The following TPD52 variants were observed in gnomAD, a reference collection of about 807,000 sequenced individuals.
TPD52 encodes prostate and colon associated protein.
TPD52 carries 17 observed loss-of-function variants against 31.3 expected under a neutral mutation model. The ratio of observed to expected loss-of-function variants is 0.54; its 90% CI spans 0.37 to 0.82. The LOEUF is 0.82. Ranked by LOEUF, TPD52 falls within the 40% of genes least tolerant of loss-of-function variation. TPD52 has a pLI of 0.00. For missense variants in TPD52, 212 were observed against 240.1 expected (o/e 0.88, Z 0.77); for synonymous variants, 83 against 89.6 (o/e 0.93, Z 0.42).
chr8:80,155,934 T>G (rs1386194425), intron 1 of TPD52, among the ~76,000 whole-genome samples: 1 of 150,464 alleles, frequency 6.6e-6, no homozygotes, highest in Admixed American at 6.6e-5. Flanking sequence ...GAAGAGCAGA[T>G]GAAGGGATGG....
At chr8:80,089,701 T>TACTATGTGCC (rs1816107558) in intron 1 of TPD52, among the ~76,000 whole-genome samples, 1 of 152,250 alleles carries the variant, frequency 6.6e-6, no homozygotes, top group African/African-American at 2.4e-5. Flanking sequence ...AAGGAACCCT[T>TACTATGTGCC]ACTATGTGCC....
chr8:80,063,095 A>G (rs1289476748), intron 2 of TPD52, among the ~76,000 whole-genome samples: 1 of 152,266 alleles, frequency 6.6e-6, no homozygotes, highest in Non-Finnish European at 1.5e-5. Flanking sequence ...GTATTTGTTC[A>G]TAAAATGTTC....
intron 5 of TPD52, 105 bp from the exon 6 acceptor site, chr8:80,044,313 GGC>G: frequency 1.2e-6 from 1 of 866,012 alleles, no homozygotes; most frequent in Middle Eastern, 2.3e-4. Context: ...TTATTCTCTT[GGC>G]GCCATGAAGA....
chr8:80,069,380 C>A (rs919662177), intron 1 of TPD52, among the ~76,000 whole-genome samples: 1 of 152,098 alleles, frequency 6.6e-6, no homozygotes, highest in East Asian at 1.9e-4. Flanking sequence ...GCGGGAGGAT[C>A]GCTTGGGCCT....
At chr8:80,138,125 T>C (rs148083041) in intron 1 of TPD52, among the ~76,000 whole-genome samples, 9 of 152,160 alleles carry the variant, frequency 5.9e-5, no homozygotes, top group African/African-American at 2.2e-4. Flanking sequence ...GTATTTTTTG[T>C]AGAGATGGGG....
intron 1 of TPD52, among the ~76,000 whole-genome samples, chr8:80,066,466 G>T (rs1045904133): frequency 1.1e-4 from 17 of 152,316 alleles, no homozygotes; most frequent in African/African-American, 3.8e-4. Context: ...GGTACAATCA[G>T]CAAGTAGAAA....
intron 1 of TPD52, among the ~76,000 whole-genome samples, chr8:80,163,243 A>T (rs1383162767): frequency 6.6e-6 from 1 of 152,216 alleles, no homozygotes; most frequent in Non-Finnish European, 1.5e-5. Context: ...CTGATAGATA[A>T]ATAATAAAGA....
intron 1 of TPD52, among the ~76,000 whole-genome samples, chr8:80,079,253 G>A (rs1181561218): frequency 1.3e-5 from 2 of 152,160 alleles, no homozygotes; most frequent in East Asian, 3.9e-4. Context: ...AAAGTTTCCT[G>A]GCAATCAGAA....
intron 1 of TPD52, among the ~76,000 whole-genome samples, chr8:80,121,290 C>G (rs1394405541): frequency 1.3e-5 from 2 of 151,968 alleles, no homozygotes; most frequent in Non-Finnish European, 2.9e-5. Flanking sequence ...AACTGCTGCC[C>G]TTTCACAGCC....
In TPD52 at chr8:80,171,503, C is replaced by A. The variant is rs1586444281; in HGVS notation, c.-60G>T. On this transcript the variant is annotated 5_prime_UTR_variant, in exon 1 of 8. Transcript: ENST00000518937. The stretch of plus-strand genomic sequence containing the variant: ...CCCCCGCCTGCAGCCCGTCCCGGCT[C>A]GGATCGCCCGCCGCGCCGCGCAGAG... 3 of 1,515,448 alleles carry A rather than the reference C, an allele frequency of 2.0e-6. No individual in the cohort carries two copies. Among genetic ancestry groups the A allele is most frequent in the East Asian group, 2.8e-5 (1 of 36,274 alleles). 93.9% of individuals were successfully genotyped at this position (1,515,448 alleles called of 1,614,324 possible).
At chr8:80,124,338 G>C (rs1414439389) in intron 1 of TPD52, among the ~76,000 whole-genome samples, 1 of 152,040 alleles carries the variant, frequency 6.6e-6, no homozygotes, top group East Asian at 1.9e-4. Flanking sequence ...GCTAATATTT[G>C]TATTTTTTGT....
rs558810678 is a variant in TPD52, at chr8:80,088,300, T to C, written c.20-23707A>G. ...GATCACACTTGGAGTAACAAGGTGA[T>C]GGAAGAACTCGAATGGAGGCTGGAG... On this transcript the variant is annotated intron_variant, in intron 1 of 7. Coordinates refer to ENST00000518937, the MANE Select transcript of TPD52 (RefSeq NM_001025253.3). 2.0e-5 allele frequency among the ~76,000 whole-genome samples: 3 copies of C among 152,318 alleles called. No individual in the cohort carries two copies. In the South Asian group the frequency reaches 6.2e-4, roughly 32 times the overall value.
intron 5 of TPD52, among the ~76,000 whole-genome samples, chr8:80,045,955 C>T (rs370271925): frequency 2.6e-5 from 4 of 152,248 alleles, no homozygotes; most frequent in East Asian, 1.9e-4. Context: ...CGGGGACCCA[C>T]ACATTGAATT....
chr8:80,088,393 A>G (rs1437904491), intron 1 of TPD52, among the ~76,000 whole-genome samples: 1 of 152,222 alleles, frequency 6.6e-6, no homozygotes, highest in African/African-American at 2.4e-5. Context: ...ATCCCTCAAT[A>G]ACACGAGGTT....
rs112231937 is a variant in TPD52, at chr8:80,157,509, G to A, written c.19+13916C>T. On this transcript the variant is annotated intron_variant, in intron 1 of 7. Coordinates refer to ENST00000518937, the MANE Select transcript of TPD52 (RefSeq NM_001025253.3). Reference sequence around the variant, plus strand: ...AATGACCTGAAGAAAAGCACTGACCGACTCTCAGGTCGAGGAACTGCTGTT... The same window carrying A: ...AATGACCTGAAGAAAAGCACTGACCAACTCTCAGGTCGAGGAACTGCTGTT... Among the ~76,000 whole-genome samples the A allele has an allele frequency of 9.9e-3, 1,506 of 152,232 alleles. 25 individuals carry two copies. The highest frequency in any genetic ancestry group is 0.033 in the African/African-American group (1,391 of 41,538).
chr8:80,148,198 G>A lies in TPD52; in HGVS notation c.19+23227C>T, dbSNP rs527476836. 4.0e-5 allele frequency among the ~76,000 whole-genome samples: 6 copies of A among 151,780 alleles called. No homozygotes were observed. The South Asian group carries it at 1.3e-3, about 32-fold the overall frequency. On this transcript the variant is annotated intron_variant, in intron 1 of 7. Transcript: ENST00000518937. ...GACAAGGTCTCATTTTGTCACCCCG[G>A]CTGGAAAACAGTGGCACAATCACAG...
Position 80,034,827 on chromosome 8 carries a change from C to G in TPD52, c.*3289G>C, listed in dbSNP as rs1165766756. The G allele has an allele frequency of 1.3e-5, 2 of 152,106 alleles. No individual in the cohort carries two copies. The highest frequency in any genetic ancestry group is 2.9e-5 in the Non-Finnish European group (2 of 68,014). The allele number at this position is 152,106 out of a possible 1,614,324, so 9.4% of individuals were successfully genotyped here. A position where few individuals can be genotyped will look rare whatever the true frequency, so the allele number is the denominator to read the frequency against. ...AAAATTAATAAAATAAACTACCAAC[C>G]AACCTCAGTAACATCAAAATTACAT... On this transcript the variant is annotated 3_prime_UTR_variant, in exon 8 of 8. Transcript: ENST00000518937.
chr8:80,166,366 G>C (rs148786724), intron 1 of TPD52, among the ~76,000 whole-genome samples: 2,067 of 151,904 alleles, frequency 0.014, 43 homozygotes, highest in African/African-American at 0.048. Flanking sequence ...CCTAGTAGCT[G>C]GGATTACAGG....
intron 1 of TPD52, among the ~76,000 whole-genome samples, chr8:80,138,207 T>G (rs1809573651): frequency 6.6e-6 from 1 of 152,236 alleles, no homozygotes; most frequent in East Asian, 1.9e-4. Flanking sequence ...CCTCCCAAAG[T>G]GCTGAGATAA....
Sources: allele counts gnomAD v4.1 joint callset (sites outside exome capture counted in the v4.1 genomes callset), GRCh38; gene constraint gnomAD v4.1.1; transcripts MANE v1.5; gene names NCBI Gene and HGNC (gene_info 2026-07-23, HGNC 2026-07-21).